LARGE1: variants seen among roughly 807,000 people sequenced by gnomAD.
The protein encoded by LARGE1 is LARGE xylosyl- and glucuronyltransferase 1, also known as xylosyl- and glucuronyltransferase LARGE1.
In LARGE1, 43 loss-of-function variants were observed where a neutral mutation model predicts 87.6. The ratio of observed to expected loss-of-function variants is 0.49; its 90% CI spans 0.38 to 0.63. The LOEUF is 0.63. Among genes scored for constraint, LARGE1 ranks in the 30% least tolerant of loss-of-function variants. The pLI, the probability that LARGE1 is intolerant of heterozygous loss-of-function variation, is 0.00. For synonymous variants in LARGE1, 434 were observed against 394.6 expected, an observed-to-expected ratio of 1.10 and a Z score of -1.18; for missense variants, 802 against 1,000.2, an observed-to-expected ratio of 0.80 and a Z score of 2.67.
chr22:33,306,364 C>T (rs934755180), intron 11 of LARGE1, among the ~76,000 whole-genome samples: 6 of 152,106 alleles, frequency 3.9e-5, no homozygotes, highest in East Asian at 1.9e-4. Context: ...GAGAGCAAAA[C>T]GCAAGAATAA....
rs142394461 is a variant in LARGE1, at chr22:33,570,886, G to T, written c.616-5867C>A. 2.1e-3 allele frequency among the ~76,000 whole-genome samples: 321 copies of T among 151,954 alleles called. 1 individual carries two copies. Among genetic ancestry groups the T allele is most frequent in the Middle Eastern group, 3.4e-3 (1 of 294 alleles). ...CAACCAGGAACTTCTTACATCATGGGGTCAATGGAGAGAAGAGCACCCTCG... is the reference window on the plus strand; with the variant it reads ...CAACCAGGAACTTCTTACATCATGGTGTCAATGGAGAGAAGAGCACCCTCG... On this transcript the variant is annotated intron_variant, in intron 5 of 14. Coordinates refer to ENST00000397394, the MANE Select transcript of LARGE1 (RefSeq NM_133642.5).
intron 10 of LARGE1, among the ~76,000 whole-genome samples, chr22:33,323,587 C>T (rs1193536925): frequency 6.6e-6 from 1 of 151,856 alleles, no homozygotes; most frequent in Non-Finnish European, 1.5e-5. Context: ...ATGAACGAAG[C>T]AGGCCATAAA....
intron 7 of LARGE1, among the ~76,000 whole-genome samples, chr22:33,422,097 G>A (rs1331325133): frequency 2.0e-5 from 3 of 152,206 alleles, no homozygotes; most frequent in Non-Finnish European, 4.4e-5. Context: ...ACACAGCACA[G>A]CTTTGCATCC....
At chr22:33,087,955 A>G in the LARGE1 span, among the ~76,000 whole-genome samples, 1 of 152,140 alleles carries the variant, frequency 6.6e-6, no homozygotes, top group Admixed American at 6.5e-5. Context: ...ATAAACTAAA[A>G]TAAAAATTTA....
intron 1 of LARGE1, among the ~76,000 whole-genome samples, chr22:33,787,939 T>C (rs2085703009): frequency 6.6e-6 from 1 of 152,166 alleles, no homozygotes; most frequent in Admixed American, 6.5e-5. Flanking sequence ...AATAACAAGG[T>C]CTTAAGAAGA....
At chr22:33,337,530 C>T (rs1046650442) in intron 10 of LARGE1, 116 bp downstream of exon 10, 17 of 1,228,424 alleles carry the variant, frequency 1.4e-5, no homozygotes, top group African/African-American at 5.9e-5. Context: ...GCACCGATGG[C>T]GTTGTGTTCA....
chr22:33,348,223 C>T (rs1555900963), intron 9 of LARGE1, among the ~76,000 whole-genome samples: 1 of 151,836 alleles, frequency 6.6e-6, no homozygotes, highest in Non-Finnish European at 1.5e-5. Flanking sequence ...GCCAAGATTG[C>T]TCCACTGCAC....
At chr22:33,662,785 A>T (rs2081167051) in intron 2 of LARGE1, among the ~76,000 whole-genome samples, 1 of 152,116 alleles carries the variant, frequency 6.6e-6, no homozygotes, top group African/African-American at 2.4e-5. Flanking sequence ...GATTCCTTCA[A>T]TGGCATCCCC....
intron 3 of LARGE1, among the ~76,000 whole-genome samples, chr22:33,632,006 T>A (rs768166394): frequency 6.6e-6 from 1 of 152,228 alleles, no homozygotes; most frequent in African/African-American, 2.4e-5. Context: ...TGTATAGACA[T>A]AACACTCATG....
intron 10 of LARGE1, among the ~76,000 whole-genome samples, chr22:33,335,014 A>T (rs116058930): frequency 6.6e-6 from 1 of 152,268 alleles, no homozygotes; most frequent in Admixed American, 6.5e-5. Flanking sequence ...CTCATTTCTT[A>T]TAACACTGAG....
rs113584569 is a variant in LARGE1, at chr22:33,817,131, T to C, written c.-82-55573A>G. ...ACACATATACATACAATCAAATATA[T>C]ACACTGGAGGCTCGGCAGTTTCCCT... On this transcript the variant is annotated intron_variant, in intron 1 of 14. Coordinates refer to ENST00000397394, the MANE Select transcript of LARGE1 (RefSeq NM_133642.5). Among the ~76,000 whole-genome samples the C allele has an allele frequency of 4.5e-3, 692 of 152,288 alleles. 3 individuals carry two copies. Among genetic ancestry groups the C allele is most frequent in the African/African-American group, 0.015 (636 of 41,544 alleles).
chr22:33,096,678 C>T, the LARGE1 span, among the ~76,000 whole-genome samples: 1 of 150,744 alleles, frequency 6.6e-6, no homozygotes, highest in Admixed American at 6.6e-5. Context: ...CATTCTCCTG[C>T]CTCCGCCTCC....
chr22:33,746,168 G>A (rs1015508523), intron 2 of LARGE1, among the ~76,000 whole-genome samples: 7 of 152,106 alleles, frequency 4.6e-5, no homozygotes, highest in African/African-American at 1.7e-4. Flanking sequence ...CGTGAACCCG[G>A]GAGGCAGAGC....
intron 6 of LARGE1, among the ~76,000 whole-genome samples, chr22:33,499,004 TA>T (rs954845868): frequency 3.3e-5 from 5 of 151,348 alleles, no homozygotes; most frequent in East Asian, 1.9e-4. Flanking sequence ...ACAAAAAATT[TA>T]AAAAAAAATT....
At chr22:33,670,891 GACATAAATGCTTAATA>G (rs1235430706) in intron 2 of LARGE1, among the ~76,000 whole-genome samples, 1 of 152,014 alleles carries the variant, frequency 6.6e-6, no homozygotes, top group African/African-American at 2.4e-5. Flanking sequence ...AAGTTGTTAG[GACATAAATGCTTAATA>G]ACAAAATAGG....
At chr22:33,152,983 G>A in the LARGE1 span, among the ~76,000 whole-genome samples, 1 of 151,906 alleles carries the variant, frequency 6.6e-6, no homozygotes, top group Non-Finnish European at 1.5e-5. Context: ...TTATTTTCCA[G>A]TGCTAGATTA....
At chr22:33,582,539 T>C (rs1380860098) in intron 5 of LARGE1, among the ~76,000 whole-genome samples, 1 of 152,218 alleles carries the variant, frequency 6.6e-6, no homozygotes, top group Non-Finnish European at 1.5e-5. Flanking sequence ...AGCAAGATTG[T>C]CCAGTGACTG....
chr22:33,469,660 A>G (rs1452540985), intron 6 of LARGE1, among the ~76,000 whole-genome samples: 1 of 151,794 alleles, frequency 6.6e-6, no homozygotes, highest in African/African-American at 2.4e-5. Context: ...CCCCCTCTCT[A>G]CTAAAAATAC....
intron 6 of LARGE1, among the ~76,000 whole-genome samples, chr22:33,550,142 T>TATACAC (rs1555954017): frequency 1.2e-4 from 17 of 142,342 alleles, no homozygotes; most frequent in African/African-American, 4.1e-4. Context: ...ACTTAAAGTA[T>TATACAC]ACACACACAC....
Sources: gnomAD v4.1 joint callset for allele counts (sites outside exome capture counted in the v4.1 genomes callset) on GRCh38, gnomAD v4.1.1 for gene constraint, MANE v1.5 for transcripts, NCBI Gene and HGNC (gene_info 2026-07-23, HGNC 2026-07-21) for gene names.